NELL1: variants seen among roughly 807,000 people sequenced by gnomAD.
NELL1 encodes the protein neural EGFL like 1, also known as protein kinase C-binding protein NELL1.
Under a neutral mutation model 107.4 loss-of-function variants are expected in NELL1, and 76 were observed. The ratio of observed to expected loss-of-function variants is 0.71; its 90% CI spans 0.59 to 0.86. The LOEUF (loss-of-function observed/expected upper bound fraction) is 0.86. Ranked by LOEUF, NELL1 falls within the 40% of genes least tolerant of loss-of-function variation. The probability of loss-of-function intolerance (pLI) is 0.00; values close to 1 mark genes in which losing one functional copy is unlikely to be tolerated. For missense variants in NELL1, 1,024 were observed against 1,005.5 expected, an observed-to-expected ratio of 1.02 and a Z score of -0.25; for synonymous variants, 353 against 341.2, an observed-to-expected ratio of 1.03 and a Z score of -0.38.
intron 15 of NELL1, among the ~76,000 whole-genome samples, chr11:21,377,288 A>T (rs1454821985): frequency 6.6e-6 from 1 of 152,134 alleles, no homozygotes; most frequent in Non-Finnish European, 1.5e-5. Context: ...CATTTTCTGC[A>T]TCTATGGAGA....
At chr11:21,234,966 A>G (rs1439798942) in intron 14 of NELL1, among the ~76,000 whole-genome samples, 1 of 152,224 alleles carries the variant, frequency 6.6e-6, no homozygotes, top group Admixed American at 6.5e-5. Flanking sequence ...AGGTATCACC[A>G]AGGATAATAA....
intron 15 of NELL1, among the ~76,000 whole-genome samples, chr11:21,456,619 C>T (rs1853746790): frequency 6.6e-6 from 1 of 151,854 alleles, no homozygotes; most frequent in African/African-American, 2.4e-5. Flanking sequence ...GTTATAATTT[C>T]TAACATTCAT....
intron 2 of NELL1, among the ~76,000 whole-genome samples, chr11:20,696,790 C>T (rs1036096240): frequency 1.3e-5 from 2 of 152,070 alleles, no homozygotes. Flanking sequence ...AATTGAACAG[C>T]CACCCTCCTC....
intron 14 of NELL1, among the ~76,000 whole-genome samples, chr11:21,240,766 T>TGGG (rs150046714): frequency 2.6e-4 from 16 of 61,992 alleles, no homozygotes; most frequent in Non-Finnish European, 3.2e-4. Context: ...GCCTTTCTAG[T>TGGG]GGGGGGGGGG....
intron 13 of NELL1, among the ~76,000 whole-genome samples, chr11:21,183,508 A>G (rs1013887929): frequency 2.0e-5 from 3 of 151,976 alleles, no homozygotes; most frequent in African/African-American, 4.9e-5. Flanking sequence ...GTGTTTGCAG[A>G]AAAGTTTTAC....
intron 13 of NELL1, among the ~76,000 whole-genome samples, chr11:21,200,274 C>G (rs905873602): frequency 6.6e-6 from 1 of 152,108 alleles, no homozygotes; most frequent in Non-Finnish European, 1.5e-5. Flanking sequence ...AGTGTAAAAG[C>G]ATTCCTATTT....
intron 17 of NELL1, among the ~76,000 whole-genome samples, chr11:21,564,749 G>T (rs1856930806): frequency 6.6e-6 from 1 of 151,866 alleles, no homozygotes; most frequent in African/African-American, 2.4e-5. Context: ...AGTATTTATG[G>T]TATAACAGTA....
rs759298291 is a variant in NELL1 at position 21,573,316 on chromosome 11, C to A, written c.2289C>A (p.Ile763=). 2 of 1,612,548 alleles carry A rather than the reference C, an allele frequency of 1.2e-6. No individual in the cohort carries two copies. Among genetic ancestry groups the A allele is most frequent in the East Asian group, 4.5e-5 (2 of 44,748 alleles). Reference sequence around the variant, plus strand: ...TAGCTGATAACATCACCTATGACATCAGAAAAACTTGCCTGGACAGCTATG... The same window carrying A: ...TAGCTGATAACATCACCTATGACATAAGAAAAACTTGCCTGGACAGCTATG... ...PCLADNITYD[I]RKTCLDSYGV... The change falls in exon 19 of 20, where the codon ATC becomes ATA. Residue 763 remains isoleucine, a synonymous_variant. Transcript: ENST00000357134.
intron 15 of NELL1, among the ~76,000 whole-genome samples, chr11:21,417,176 C>T (rs2133817395): frequency 6.6e-6 from 1 of 152,112 alleles, no homozygotes; most frequent in Non-Finnish European, 1.5e-5. Flanking sequence ...GCTGCTGCTT[C>T]TTGTTCTTGC....
chr11:21,353,887 A>G (rs1489590936), intron 14 of NELL1, among the ~76,000 whole-genome samples: 3 of 152,208 alleles, frequency 2.0e-5, no homozygotes, highest in Non-Finnish European at 4.4e-5. Flanking sequence ...CCCATAAATT[A>G]GGGTTTCATT....
At chr11:21,475,439 C>T (rs903629787) in intron 15 of NELL1, among the ~76,000 whole-genome samples, 5 of 152,172 alleles carry the variant, frequency 3.3e-5, no homozygotes, top group African/African-American at 1.2e-4. Flanking sequence ...TGTCACATAA[C>T]TTATAGTGCC....
chr11:20,809,713 T>C (rs1857458909), intron 3 of NELL1, among the ~76,000 whole-genome samples: 1 of 152,240 alleles, frequency 6.6e-6, no homozygotes, highest in Non-Finnish European at 1.5e-5. Context: ...TCTTTTTTTA[T>C]GGTTGAATAC....
At chr11:21,310,780 G>T (rs571433129) in intron 14 of NELL1, among the ~76,000 whole-genome samples, 50 of 152,178 alleles carry the variant, frequency 3.3e-4, no homozygotes, top group Non-Finnish European at 6.2e-4. Flanking sequence ...CAGGTTCAGA[G>T]ATGGGAGGAA....
intron 14 of NELL1, among the ~76,000 whole-genome samples, chr11:21,348,153 G>T (rs1850726198): frequency 6.6e-6 from 1 of 152,084 alleles, no homozygotes. Flanking sequence ...TTTCTAGATA[G>T]AATCATTAAG....
intron 16 of NELL1, among the ~76,000 whole-genome samples, chr11:21,547,442 C>G (rs757029222): frequency 6.6e-6 from 1 of 151,612 alleles, no homozygotes; most frequent in Non-Finnish European, 1.5e-5. Context: ...GAGGTGGAGA[C>G]CAGATTGTGA....
At chr11:21,078,714 C>T (rs1015098049) in intron 12 of NELL1, among the ~76,000 whole-genome samples, 47 of 151,928 alleles carry the variant, frequency 3.1e-4, no homozygotes, top group African/African-American at 1.1e-3. Context: ...TTATGTCATA[C>T]CTGCAATATA....
intron 12 of NELL1, among the ~76,000 whole-genome samples, chr11:21,094,557 C>T (rs1001561056): frequency 1.3e-5 from 2 of 152,224 alleles, no homozygotes; most frequent in African/African-American, 4.8e-5. Flanking sequence ...CCTGCCCCTG[C>T]AGCAAACTTC....
At chr11:21,493,273 A>T (rs1281638818) in intron 15 of NELL1, among the ~76,000 whole-genome samples, 1 of 152,130 alleles carries the variant, frequency 6.6e-6, no homozygotes, top group African/African-American at 2.4e-5. Flanking sequence ...TATCAAAAAG[A>T]TACCTACATG....
chr11:21,099,446 G>C (rs1002553898), intron 12 of NELL1, among the ~76,000 whole-genome samples: 1 of 152,124 alleles, frequency 6.6e-6, no homozygotes, highest in Non-Finnish European at 1.5e-5. Flanking sequence ...TGGCTGGCTC[G>C]GTGGATGAGT....
Sources: gnomAD v4.1 joint callset for allele counts (sites outside exome capture counted in the v4.1 genomes callset) on GRCh38, gnomAD v4.1.1 for gene constraint, MANE v1.5 for transcripts, NCBI Gene and HGNC (gene_info 2026-07-23, HGNC 2026-07-21) for gene names.